STX18: variants seen among roughly 807,000 people sequenced by gnomAD.
STX18 encodes syntaxin 18.
STX18 carries 40 observed loss-of-function variants against 50.1 expected under a neutral mutation model. That is an observed-to-expected ratio of 0.80 (90% CI 0.62 to 1.04). STX18 has a LOEUF of 1.04. Among genes scored for constraint, STX18 ranks in the 50% least tolerant of loss-of-function variants. STX18 has a pLI of 0.00. For synonymous variants in STX18, 158 were observed against 151.8 expected (o/e 1.04, Z -0.30); for missense variants, 410 against 415.8 (o/e 0.99, Z 0.12).
intron 1 of STX18, among the ~76,000 whole-genome samples, chr4:4,499,055 A>G (rs985961357): frequency 6.6e-6 from 1 of 152,248 alleles, no homozygotes; most frequent in Non-Finnish European, 1.5e-5. Context: ...TAGGAGAGGA[A>G]TAACAATTTG....
At chr4:4,533,537 C>G (rs1731197014) in intron 1 of STX18, among the ~76,000 whole-genome samples, 1 of 152,128 alleles carries the variant, frequency 6.6e-6, no homozygotes, top group Non-Finnish European at 1.5e-5. Flanking sequence ...ACTGAGTTTC[C>G]AAAATCTGTA....
At chr4:4,422,116 T>C (rs572626285) in intron 9 of STX18, among the ~76,000 whole-genome samples, 1 of 152,286 alleles carries the variant, frequency 6.6e-6, no homozygotes, top group African/African-American at 2.4e-5. Flanking sequence ...CAATGAATAT[T>C]ACTGGGATGG....
At chr4:4,497,017 C>T (rs1047909670) in intron 1 of STX18, among the ~76,000 whole-genome samples, 26 of 152,118 alleles carry the variant, frequency 1.7e-4, no homozygotes, top group African/African-American at 6.3e-4. Context: ...ATGTTTTACG[C>T]GAAACAAACC....
intron 1 of STX18, among the ~76,000 whole-genome samples, chr4:4,496,324 C>T (rs1371306290): frequency 1.3e-5 from 2 of 152,190 alleles, no homozygotes; most frequent in African/African-American, 2.4e-5. Context: ...TCTCCAAACA[C>T]AGTCCAGTGA....
chr4:4,519,055 A>C (rs113968329), intron 1 of STX18, among the ~76,000 whole-genome samples: 1 of 152,194 alleles, frequency 6.6e-6, no homozygotes, highest in Non-Finnish European at 1.5e-5. Flanking sequence ...AAACTGCTAT[A>C]ATTTTCTAGG....
intron 1 of STX18, among the ~76,000 whole-genome samples, chr4:4,479,708 TTCTCCA>T: frequency 6.6e-6 from 1 of 152,352 alleles, no homozygotes; most frequent in African/African-American, 2.4e-5. Flanking sequence ...GACATTGAAA[TTCTCCA>T]TAAAACCCAT....
intron 5 of STX18, among the ~76,000 whole-genome samples, chr4:4,445,491 G>A (rs576151516): frequency 6.6e-6 from 1 of 151,972 alleles, no homozygotes; most frequent in Non-Finnish European, 1.5e-5. Context: ...ATTAATCAAA[G>A]TTGTAGACAG....
intron 1 of STX18, among the ~76,000 whole-genome samples, chr4:4,489,259 T>C (rs1728830883): frequency 6.6e-6 from 1 of 152,144 alleles, no homozygotes. Context: ...AGGGTCTTGC[T>C]TCATCATTCC....
chr4:4,463,638 GAAAGAAGCT>G (rs1187365277), intron 2 of STX18, among the ~76,000 whole-genome samples: 2 of 152,150 alleles, frequency 1.3e-5, no homozygotes, highest in Admixed American at 6.6e-5. Context: ...AGATACTAAA[GAAAGAAGCT>G]ACAAATTGAG....
intron 1 of STX18, among the ~76,000 whole-genome samples, chr4:4,508,296 A>G (rs1413613356): frequency 6.6e-6 from 1 of 152,144 alleles, no homozygotes; most frequent in Non-Finnish European, 1.5e-5. Context: ...TTGCTTCTCT[A>G]GAATACAACA....
At chr4:4,457,911 T>C (rs575284230) in intron 3 of STX18, among the ~76,000 whole-genome samples, 17 of 152,294 alleles carry the variant, frequency 1.1e-4, no homozygotes, top group Non-Finnish European at 1.8e-4. Flanking sequence ...TCCTCTCCCC[T>C]TGGCCACTCA....
At chr4:4,451,684 A>G (rs1335588328) in intron 5 of STX18, among the ~76,000 whole-genome samples, 1 of 152,214 alleles carries the variant, frequency 6.6e-6, no homozygotes, top group African/African-American at 2.4e-5. Flanking sequence ...GCACGTTCAC[A>G]TAAGACAGCG....
intron 1 of STX18, among the ~76,000 whole-genome samples, chr4:4,534,527 T>C (rs764083963): frequency 2.6e-4 from 39 of 152,246 alleles, no homozygotes; most frequent in Non-Finnish European, 3.4e-4. Flanking sequence ...CCAACCCTAC[T>C]GTCACCGGCT....
At chr4:4,460,139 T>C (rs139947079) in intron 2 of STX18, among the ~76,000 whole-genome samples, 162 of 152,288 alleles carry the variant, frequency 1.1e-3, no homozygotes, top group Middle Eastern at 3.4e-3. Flanking sequence ...ATATTTTGTG[T>C]AATTATTTCT....
At chr4:4,485,535 T>C (rs917502374) in intron 1 of STX18, among the ~76,000 whole-genome samples, 1 of 152,120 alleles carries the variant, frequency 6.6e-6, no homozygotes, top group Non-Finnish European at 1.5e-5. Flanking sequence ...GGTTTGAGTT[T>C]AGGAGACATG....
rs1434480281 is a variant in STX18, at chr4:4,507,813, A to AG, written c.168+33983dup. 1.2e-4 allele frequency: 61 copies of AG among 523,536 alleles called. No individual in the cohort carries two copies. The African/African-American group carries it at 1.4e-3, about 12-fold the overall frequency. 32.4% of individuals were successfully genotyped at this position (523,536 alleles called of 1,614,324 possible). On this transcript the variant is annotated intron_variant, in intron 1 of 10. Coordinates refer to ENST00000306200, the MANE Select transcript of STX18 (RefSeq NM_016930.4). Reference sequence around the variant, plus strand: ...AAATGACTAAATAAAATATATTCACAGTAAAAAAAAAAAAAAAAAAAAAAG... The same window carrying AG: ...AAATGACTAAATAAAATATATTCACAGGTAAAAAAAAAAAAAAAAAAAAAAG...
intron 1 of STX18, among the ~76,000 whole-genome samples, chr4:4,474,714 G>C (rs896190953): frequency 3.3e-5 from 5 of 152,212 alleles, no homozygotes; most frequent in African/African-American, 1.2e-4. Context: ...TGCTGGTTTT[G>C]AAGATGGGGA....
At chr4:4,502,870 TCTC>T (rs1222068873) in intron 1 of STX18, among the ~76,000 whole-genome samples, 1 of 152,088 alleles carries the variant, frequency 6.6e-6, no homozygotes, top group Non-Finnish European at 1.5e-5. Flanking sequence ...CCCGATGCAA[TCTC>T]CTCCTACTTC....
intron 1 of STX18, among the ~76,000 whole-genome samples, chr4:4,524,883 A>G (rs888663116): frequency 9.9e-5 from 15 of 152,246 alleles, no homozygotes; most frequent in African/African-American, 3.4e-4. Flanking sequence ...ACATTTGAAG[A>G]AATGTACAGA....
Sources: gnomAD v4.1 joint callset for allele counts (sites outside exome capture counted in the v4.1 genomes callset) on GRCh38, gnomAD v4.1.1 for gene constraint, MANE v1.5 for transcripts, NCBI Gene and HGNC (gene_info 2026-07-23, HGNC 2026-07-21) for gene names.